COL5A2: variants seen among roughly 807,000 people sequenced by gnomAD.
COL5A2 encodes the protein collagen type V alpha 2 chain.
Under a neutral mutation model 208.2 loss-of-function variants are expected in COL5A2, and 23 were observed. The ratio of observed to expected loss-of-function variants is 0.11; its 90% confidence interval spans 0.08 to 0.16. The LOEUF (loss-of-function observed/expected upper bound fraction) is 0.16, where lower values mean the gene tolerates loss of function less well. Ranked by LOEUF, COL5A2 falls within the 10% of genes least tolerant of loss-of-function variation. The pLI, the probability that COL5A2 is intolerant of heterozygous loss-of-function variation, is 1.00. For missense variants in COL5A2, 1,590 were observed against 1,956.4 expected, an observed-to-expected ratio of 0.81 and a Z score of 3.53; for synonymous variants, 625 against 628.5, an observed-to-expected ratio of 0.99 and a Z score of 0.08.
chr2:189,191,152 C>CAAAAAAAAACCAAAAAA (rs1553526750), intron 1 of COL5A2, among the ~76,000 whole-genome samples: 1 of 21,062 alleles, frequency 4.7e-5, no homozygotes, highest in Non-Finnish European at 1.8e-4. Flanking sequence ...AAAAAAAAAA[C>CAAAAAAAAACCAAAAAA]AAAAAACAAA....
the COL5A2 span, among the ~76,000 whole-genome samples, chr2:189,380,305 C>T: frequency 1.3e-5 from 2 of 151,756 alleles, no homozygotes; most frequent in Admixed American, 6.6e-5. Flanking sequence ...TAAAGTTTTT[C>T]TTTTCCTTTA....
At chr2:189,255,497 T>C in the COL5A2 span, among the ~76,000 whole-genome samples, 2 of 152,220 alleles carry the variant, frequency 1.3e-5, no homozygotes, top group Non-Finnish European at 2.9e-5. Context: ...GACAACTGTT[T>C]GAAAAATTCA....
At chr2:189,291,453 C>T in the COL5A2 span, among the ~76,000 whole-genome samples, 1 of 152,102 alleles carries the variant, frequency 6.6e-6, no homozygotes, top group African/African-American at 2.4e-5. Context: ...AATTGTGAGA[C>T]TCATTTTCAT....
the COL5A2 span, among the ~76,000 whole-genome samples, chr2:189,307,404 G>A: frequency 6.6e-6 from 1 of 152,008 alleles, no homozygotes; most frequent in Non-Finnish European, 1.5e-5. Flanking sequence ...ACATTATAAG[G>A]AGGTAATAAA....
Position 189,068,966 on chromosome 2 carries a change from T to C in COL5A2, c.1159-82A>G, listed in dbSNP as rs568550950. On this transcript the variant is annotated intron_variant, in intron 18 of 53. Transcript: ENST00000374866. Reference sequence around the variant, plus strand: ...CAAAGTTGACCGCTTATTTGGAATTTTACATTTGAAACCCAAATACTGAAA... The same window carrying C: ...CAAAGTTGACCGCTTATTTGGAATTCTACATTTGAAACCCAAATACTGAAA... 5.7e-5 allele frequency: 58 copies of C among 1,011,478 alleles called. 1 individual carries two copies. The South Asian group carries it at 7.0e-4, about 12-fold the overall frequency. 62.7% of individuals were successfully genotyped at this position (1,011,478 alleles called of 1,614,324 possible).
chr2:189,321,753 C>T, the COL5A2 span, among the ~76,000 whole-genome samples: 9 of 152,178 alleles, frequency 5.9e-5, no homozygotes, highest in Non-Finnish European at 4.4e-5. Context: ...CCATTGTCAA[C>T]ATTAGACAGA....
chr2:189,107,609 T>C (rs1687176677), intron 2 of COL5A2, among the ~76,000 whole-genome samples: 1 of 151,602 alleles, frequency 6.6e-6, no homozygotes, highest in Admixed American at 6.6e-5. Context: ...TTGAGAAAGA[T>C]GCTAAATGCA....
intron 2 of COL5A2, among the ~76,000 whole-genome samples, 168 bp downstream of exon 2, chr2:189,110,057 T>C (rs2105711439): frequency 6.6e-6 from 1 of 152,344 alleles, no homozygotes; most frequent in South Asian, 2.1e-4. Flanking sequence ...TGCTTCTATC[T>C]AACTTTAGAT....
At chr2:189,209,944 T>C (rs552072303) in intron 1 of COL5A2, among the ~76,000 whole-genome samples, 1 of 152,160 alleles carries the variant, frequency 6.6e-6, no homozygotes, top group East Asian at 1.9e-4. Context: ...GCCCTGAGAA[T>C]AAAGAGGTTA....
chr2:189,416,572 G>C, the COL5A2 span, among the ~76,000 whole-genome samples: 1 of 152,184 alleles, frequency 6.6e-6, no homozygotes, highest in African/African-American at 2.4e-5. Flanking sequence ...GGGGTAGGAG[G>C]AAGGGGGAGG....
chr2:189,099,805 A>C (rs1687011487), intron 4 of COL5A2, among the ~76,000 whole-genome samples: 1 of 152,198 alleles, frequency 6.6e-6, no homozygotes, highest in Admixed American at 6.5e-5. Flanking sequence ...GTGGAATAAT[A>C]AACTACTATA....
At chr2:189,434,515 G>A in the COL5A2 span, among the ~76,000 whole-genome samples, 1 of 152,082 alleles carries the variant, frequency 6.6e-6, no homozygotes, top group Admixed American at 6.6e-5. Flanking sequence ...CAAAAATCAT[G>A]AGCATTCTTA....
chr2:189,329,879 CA>C, the COL5A2 span, among the ~76,000 whole-genome samples: 1 of 147,276 alleles, frequency 6.8e-6, no homozygotes, highest in African/African-American at 2.5e-5. Flanking sequence ...CTAACCAATA[CA>C]AAAACAGAAA....
chr2:189,368,732 C>G, the COL5A2 span, among the ~76,000 whole-genome samples: 4 of 152,056 alleles, frequency 2.6e-5, no homozygotes, highest in Non-Finnish European at 4.4e-5. Context: ...GAGTTTATAC[C>G]AAAGGAAAGT....
At chr2:189,266,443 T>G in the COL5A2 span, among the ~76,000 whole-genome samples, 1 of 151,102 alleles carries the variant, frequency 6.6e-6, no homozygotes, top group Non-Finnish European at 1.5e-5. Context: ...AAAAAAGATA[T>G]GAAATATAGA....
the COL5A2 span, among the ~76,000 whole-genome samples, chr2:189,275,455 T>TC: frequency 1.3e-5 from 1 of 79,260 alleles, no homozygotes; most frequent in Admixed American, 1.5e-4. Context: ...TTTCTTTCTT[T>TC]CCTTTTTTTT....
chr2:189,252,449 A>G, the COL5A2 span, among the ~76,000 whole-genome samples: 5 of 152,236 alleles, frequency 3.3e-5, no homozygotes, highest in Non-Finnish European at 7.3e-5. Flanking sequence ...GGATGAGTTC[A>G]TGTCCTTTGT....
intron 42 of COL5A2, among the ~76,000 whole-genome samples, chr2:189,050,896 T>C (rs1310536816): frequency 6.6e-6 from 1 of 152,118 alleles, no homozygotes; most frequent in Non-Finnish European, 1.5e-5. Flanking sequence ...GGAAAGAAAC[T>C]GAAGATTAAT....
chr2:189,374,059 G>T, the COL5A2 span, among the ~76,000 whole-genome samples: 3 of 152,056 alleles, frequency 2.0e-5, no homozygotes, highest in Admixed American at 1.3e-4. Flanking sequence ...TCTTATGGGG[G>T]AATAGAAAGC....
Sources: gnomAD v4.1 joint callset for allele counts (sites outside exome capture counted in the v4.1 genomes callset) on GRCh38, gnomAD v4.1.1 for gene constraint, MANE v1.5 for transcripts, NCBI Gene and HGNC (gene_info 2026-07-23, HGNC 2026-07-21) for gene names.